Variants in DLC1 observed in about 807,000 individuals in gnomAD.
DLC1 encodes the protein rho GTPase-activating protein 7.
DLC1 carries 54 observed loss-of-function variants against 140.3 expected under a neutral mutation model. The ratio of observed to expected loss-of-function variants is 0.38; its 90% CI spans 0.31 to 0.48. DLC1 has a LOEUF of 0.48. Ranked by LOEUF, DLC1 falls within the 20% of genes least tolerant of loss-of-function variation. The pLI is 0.96. For missense variants in DLC1, 2,536 were observed against 1,907.0 expected (o/e 1.33, Z -6.14); for synonymous variants, 986 against 728.1 (o/e 1.35, Z -5.70).
chr8:13,094,764 T>C lies in DLC1; in HGVS notation c.3521A>G (p.Tyr1174Cys). The change falls in exon 12 of 18, where the codon TAC becomes TGC. Residue 1174 changes from tyrosine to cysteine, a missense_variant. Coordinates refer to ENST00000276297, the MANE Select transcript of DLC1 (RefSeq NM_182643.3). ...NKLSETFLQI[Y>C]QYVPKDQRLQ... ...TAAGATCAAAGGACACTCACATTGG[T>C]AGATCTGTAGAAAGGTTTCCGAGAG... The C allele has an allele frequency of 1.2e-6, 2 of 1,614,162 alleles. No individual in the cohort carries two copies. Among genetic ancestry groups the C allele is most frequent in the Non-Finnish European group, 1.7e-6 (2 of 1,180,018 alleles).
chr8:13,182,524 C>T (rs28852474), intron 5 of DLC1, among the ~76,000 whole-genome samples: 16,746 of 152,188 alleles, frequency 0.11, 1,812 homozygotes, highest in East Asian at 0.31. Context: ...GATCCAGTTT[C>T]AGCTTTCTAC....
chr8:13,110,655 A>G, intron 7 of DLC1, 87 bp downstream of exon 7: 1 of 1,305,782 alleles, frequency 7.7e-7, no homozygotes, highest in Non-Finnish European at 1.1e-6. Context: ...AATTAGCAAG[A>G]ACAAAAGCAA....
chr8:13,465,319 C>A (rs2117042640), intron 2 of DLC1, among the ~76,000 whole-genome samples: 1 of 152,150 alleles, frequency 6.6e-6, no homozygotes, highest in East Asian at 1.9e-4. Context: ...AGAGATAATG[C>A]CAAATTTTTT....
chr8:13,235,247 T>C lies in DLC1; in HGVS notation c.1348+70022A>G, dbSNP rs557274513. ...TGAAAATGAACTACCTAGTGTCATA[T>C]TGACTTTGGAGGCCACTCAGTAGGC... On this transcript the variant is annotated intron_variant, in intron 5 of 17. Transcript: ENST00000276297. 2.0e-4 allele frequency among the ~76,000 whole-genome samples: 30 copies of C among 152,214 alleles called. 1 individual carries two copies. Among genetic ancestry groups the C allele is most frequent in the South Asian group, 8.3e-4 (4 of 4,828 alleles).
intron 1 of DLC1, among the ~76,000 whole-genome samples, chr8:13,537,564 G>A (rs1354696651): frequency 5.3e-5 from 8 of 150,990 alleles, no homozygotes; most frequent in African/African-American, 1.9e-4. Flanking sequence ...TAAAGGATCA[G>A]TGCAGAGTGA....
rs142202542 is a variant in DLC1, at chr8:13,209,941, A to G, written c.1349-94284T>C. Among the ~76,000 whole-genome samples the G allele has an allele frequency of 5.1e-3, 779 of 152,284 alleles. 7 individuals are homozygous for G. Among genetic ancestry groups the G allele is most frequent in the African/African-American group, 0.018 (730 of 41,564 alleles). ...CTTTATAGCAATGCAAGGACAGCCT[A>G]ACACACCCTGTAAATGTTAAATATG... is the stretch of plus-strand genomic sequence containing the variant. On this transcript the variant is annotated intron_variant, in intron 5 of 17. Coordinates refer to ENST00000276297, the MANE Select transcript of DLC1 (RefSeq NM_182643.3).
At chr8:13,492,036 G>A (rs1041851063) in intron 2 of DLC1, among the ~76,000 whole-genome samples, 1 of 152,102 alleles carries the variant, frequency 6.6e-6, no homozygotes, top group African/African-American at 2.4e-5. Context: ...TTATACATAG[G>A]ATTACAGTAG....
At chr8:13,176,864 A>G (rs1190253360) in intron 5 of DLC1, among the ~76,000 whole-genome samples, 2 of 152,162 alleles carry the variant, frequency 1.3e-5, no homozygotes, top group African/African-American at 4.8e-5. Context: ...GATAGACGAC[A>G]AGGTCAGAGT....
At chr8:13,290,382 A>C (rs965031578) in intron 5 of DLC1, among the ~76,000 whole-genome samples, 1 of 152,186 alleles carries the variant, frequency 6.6e-6, no homozygotes, top group African/African-American at 2.4e-5. Context: ...GGCATCCAGG[A>C]ATCTGAATTT....
chr8:13,110,653 A>T, intron 7 of DLC1, 89 bp downstream of exon 7: 1 of 1,284,420 alleles, frequency 7.8e-7, no homozygotes, highest in Non-Finnish European at 1.1e-6. Context: ...ACAATTAGCA[A>T]GAACAAAAGC....
At chr8:13,188,124 C>T (rs371145181) in intron 5 of DLC1, among the ~76,000 whole-genome samples, 20 of 133,956 alleles carry the variant, frequency 1.5e-4, no homozygotes, top group South Asian at 4.8e-4. Context: ...GCTCTTGTTG[C>T]GCAGGCTGGA....
intron 2 of DLC1, among the ~76,000 whole-genome samples, chr8:13,413,000 T>C (rs940496179): frequency 6.6e-6 from 1 of 151,018 alleles, no homozygotes; most frequent in Middle Eastern, 3.5e-3. Flanking sequence ...TCATGTTTAA[T>C]GAGCAAAACA....
chr8:13,325,449 T>TACACACACAC (rs1554497506), intron 4 of DLC1, among the ~76,000 whole-genome samples: 21 of 38,298 alleles, frequency 5.5e-4, no homozygotes, highest in African/African-American at 1.2e-3. Flanking sequence ...TAGTTCTGTA[T>TACACACACAC]ACACACACAC....
Position 13,110,822 on chromosome 8 carries a change from A to G in DLC1, c.1422T>C (p.Asp474=). The change falls in exon 7 of 18, where the codon GAT becomes GAC. Residue 474 remains aspartate (D), a splice_region_variant and synonymous_variant. Transcript: ENST00000276297. ...GFPQYAQLYE[D]FLFPIDISLV... is the part of the protein sequence containing the mutation. ...AGGAAATATCGATGGGGAACAGGAAATCTATGAGAAAAATAAACAGATGTA... is the reference window on the plus strand; with the variant it reads ...AGGAAATATCGATGGGGAACAGGAAGTCTATGAGAAAAATAAACAGATGTA... The G allele has an allele frequency of 6.2e-7, 1 of 1,613,954 alleles. No individual in the cohort carries two copies. Among genetic ancestry groups the G allele is most frequent in the Non-Finnish European group, 8.5e-7 (1 of 1,179,958 alleles).
intron 2 of DLC1, among the ~76,000 whole-genome samples, chr8:13,427,183 G>A (rs1173415383): frequency 6.6e-5 from 10 of 152,246 alleles, no homozygotes; most frequent in African/African-American, 2.4e-4. Flanking sequence ...CCCACTGTAC[G>A]GTTAATGCCC....
At chr8:13,429,573 G>A (rs1287636015) in intron 2 of DLC1, among the ~76,000 whole-genome samples, 1 of 152,188 alleles carries the variant, frequency 6.6e-6, no homozygotes, top group Non-Finnish European at 1.5e-5. Flanking sequence ...TTGGCATTGA[G>A]CTTCCTAGCA....
At chr8:13,283,778 G>A (rs1831449152) in intron 5 of DLC1, among the ~76,000 whole-genome samples, 1 of 152,196 alleles carries the variant, frequency 6.6e-6, no homozygotes, top group African/African-American at 2.4e-5. Context: ...GCCTCCCAAA[G>A]TGTTGGGATT....
intron 5 of DLC1, among the ~76,000 whole-genome samples, chr8:13,265,117 A>T (rs535944610): frequency 6.6e-6 from 1 of 152,228 alleles, no homozygotes; most frequent in Admixed American, 6.5e-5. Context: ...CCTAAGCTCC[A>T]TTTAAACACA....
At position 13,120,352 on chromosome 8, in the gene DLC1, A is replaced by ATATAT. The variant is rs199638260; in HGVS notation, c.1349-4696_1349-4695insATATA. Among the ~76,000 whole-genome samples, 69 of 26,502 alleles carry ATATAT rather than the reference A, an allele frequency of 2.6e-3. 1 individual carries two copies. The East Asian group carries it at 0.027, about 10-fold the overall frequency. 17.4% of individuals were successfully genotyped at this position (26,502 alleles called of 152,430 possible). A position where few individuals can be genotyped will look rare whatever the true frequency, so the allele number is the denominator to read the frequency against. ...AAAGAGACTCCGTCGCAAAAAAAAA[A>ATATAT]AAAAATATATATATATATAAAATGT... is the stretch of plus-strand genomic sequence containing the variant. On this transcript the variant is annotated intron_variant, in intron 5 of 17. Transcript: ENST00000276297.
Sources: allele counts gnomAD v4.1 joint callset (sites outside exome capture counted in the v4.1 genomes callset), GRCh38; gene constraint gnomAD v4.1.1; transcripts MANE v1.5; gene names NCBI Gene and HGNC (gene_info 2026-07-23, HGNC 2026-07-21).